Variants in MTMR1 observed in about 807,000 individuals in gnomAD.
The protein encoded by MTMR1 is phosphatidylinositol-3-phosphate phosphatase MTMR1.
In MTMR1, 17 loss-of-function variants were observed where a neutral mutation model predicts 51.6. The ratio of observed to expected loss-of-function variants is 0.33; its 90% CI spans 0.23 to 0.49. The LOEUF is 0.49. Among genes scored for constraint, MTMR1 ranks in the 20% least tolerant of loss-of-function variants. MTMR1 has a pLI of 0.99. For missense variants in MTMR1, 386 were observed against 526.9 expected, an observed-to-expected ratio of 0.73 and a Z score of 2.62; for synonymous variants, 201 against 205.6, an observed-to-expected ratio of 0.98 and a Z score of 0.19.
rs782723674 is a variant in MTMR1, at chrX:150,751,089, C to T, written c.1680+246C>T. The T allele has an allele frequency of 1.2e-5, 13 of 1,100,610 alleles. No homozygotes were observed. The Admixed American group carries it at 1.5e-4, about 13-fold the overall frequency. The allele number at this position is 1,100,610 out of a possible 1,213,427, so 90.7% of individuals were successfully genotyped here. ...CTCTCAGGAGTAGATGAGTGCTAGACCCTGGACCTCCTGACTCCGAGTTCA... is the reference window on the plus strand; with the variant it reads ...CTCTCAGGAGTAGATGAGTGCTAGATCCTGGACCTCCTGACTCCGAGTTCA... On this transcript the variant is annotated intron_variant, in intron 14 of 15. Coordinates refer to ENST00000445323, the MANE Select transcript of MTMR1 (RefSeq NM_001306144.3).
chrX:150,740,661 T>C (rs1409360194), intron 12 of MTMR1, among the ~76,000 whole-genome samples: 2 of 111,836 alleles, frequency 1.8e-5, no homozygotes, highest in African/African-American at 6.5e-5. Context: ...TTTGTGTTTT[T>C]ACAATGGAAT....
At chrX:150,752,637 T>G (rs1272458588) in intron 14 of MTMR1, among the ~76,000 whole-genome samples, 5 of 102,290 alleles carry the variant, frequency 4.9e-5, no homozygotes, top group Admixed American at 1.1e-4. Context: ...TTTTTTTTTT[T>G]TTTTTTTTTT....
chrX:150,697,567 C>T (rs994588126), intron 1 of MTMR1, among the ~76,000 whole-genome samples: 6 of 111,359 alleles, frequency 5.4e-5, no homozygotes, highest in African/African-American at 9.8e-5. Context: ...GAGAGGAACC[C>T]GGCCTCTGGG....
At chrX:150,730,643 G>T in intron 8 of MTMR1, 35 bp downstream of exon 8, 1 of 863,102 alleles carries the variant, frequency 1.2e-6, no homozygotes, top group Non-Finnish European at 1.6e-6. Context: ...GAAAATAATA[G>T]GTTGAGCATC....
rs367683804 is a variant in MTMR1 at position 150,737,335 on chromosome X, G to C, written c.1360G>C (p.Ala454Pro). 8.3e-7 allele frequency: 1 copy of C among 1,211,252 alleles called. No homozygotes were observed. The highest frequency in any genetic ancestry group is 1.1e-6 in the Non-Finnish European group (1 of 895,109). The stretch of plus-strand genomic sequence containing the variant: ...TTGCAGCGACGGTTGGGACCGAACA[G>C]CCCAGCTCACATCTCTGGCTATGCT... ...VHCSDGWDRT[A>P]QLTSLAMLML... Residue 454 changes from alanine (A) to proline (P), a missense_variant, in exon 12 of 16, where the codon GCC becomes CCC. Ala to Pro is a conservative substitution (Grantham distance 27, BLOSUM62 -1). Coordinates refer to ENST00000445323, the MANE Select transcript of MTMR1 (RefSeq NM_001306144.3).
chrX:150,755,888 A>T, intron 15 of MTMR1, 23 bp downstream of exon 15: 2 of 1,155,419 alleles, frequency 1.7e-6, no homozygotes, highest in Non-Finnish European at 2.3e-6. Flanking sequence ...TTTTCTTTTC[A>T]TGAATGAGAG....
At chrX:150,694,345 A>T (rs1350139121) in intron 1 of MTMR1, among the ~76,000 whole-genome samples, 1 of 112,134 alleles carries the variant, frequency 8.9e-6, no homozygotes, top group African/African-American at 3.2e-5. Flanking sequence ...CTGCAGAACT[A>T]AGAGAAATCA....
At chrX:150,722,003 C>T (rs1484611256) in intron 4 of MTMR1, among the ~76,000 whole-genome samples, 1 of 111,854 alleles carries the variant, frequency 8.9e-6, no homozygotes, top group Admixed American at 9.5e-5. Context: ...TTCTTTGACC[C>T]TTGAGTTATT....
rs1433078392 is a variant in MTMR1, at chrX:150,713,010, A to G, written c.276+645A>G. ...TTTAACAGACATTGAAAATTAACCT[A>G]TTTCTATTCAAGGAAAACAATGTGG... On this transcript the variant is annotated intron_variant, in intron 3 of 15. Transcript: ENST00000445323. 6 of 852,266 alleles carry G rather than the reference A, an allele frequency of 7.0e-6. No individual in the cohort carries two copies. In the African/African-American group the frequency reaches 1.3e-4, roughly 19 times the overall value. 70.2% of individuals were successfully genotyped at this position (852,266 alleles called of 1,213,427 possible). A position where few individuals can be genotyped will look rare whatever the true frequency, so the allele number is the denominator to read the frequency against.
intron 5 of MTMR1, 76 bp from the exon 6 acceptor site, chrX:150,727,608 G>A: frequency 1.2e-6 from 1 of 804,527 alleles, no homozygotes; most frequent in African/African-American, 2.0e-5. Flanking sequence ...AACATGTTTT[G>A]TAACCCAGCA....
intron 15 of MTMR1, among the ~76,000 whole-genome samples, chrX:150,760,292 CAGAG>C (rs1437647289): frequency 1.8e-4 from 17 of 93,774 alleles, no homozygotes; most frequent in African/African-American, 6.2e-4. Flanking sequence ...CCAGGTGAGG[CAGAG>C]AGAAGGAGGA....
intron 1 of MTMR1, among the ~76,000 whole-genome samples, chrX:150,697,101 G>A (rs1246980442): frequency 1.8e-5 from 2 of 112,149 alleles, no homozygotes; most frequent in African/African-American, 6.5e-5. Context: ...GGTGGGTGCT[G>A]ACAGAAAAAG....
chrX:150,698,676 GCGCGCACACACACACACACACA>G (rs1379741900), intron 1 of MTMR1, among the ~76,000 whole-genome samples: 5 of 53,086 alleles, frequency 9.4e-5, no homozygotes, highest in South Asian at 1.5e-3. Flanking sequence ...GTCTACACGC[GCGCGCACACACACACACACACA>G]CACACACACA....
In MTMR1 at chrX:150,736,663, C is replaced by T. The variant is rs2042278387; in HGVS notation, c.1149C>T (p.His383=). 8.3e-7 allele frequency: 1 copy of T among 1,211,569 alleles called. No homozygotes were observed. Among genetic ancestry groups the T allele is most frequent in the Non-Finnish European group, 1.1e-6 (1 of 895,237 alleles). The change falls in exon 11 of 16, where the codon CAC becomes CAT. Residue 383 remains histidine, a synonymous_variant. Coordinates refer to ENST00000445323, the MANE Select transcript of MTMR1 (RefSeq NM_001306144.3). The part of the protein sequence containing the change: ...PNAELVFLEI[H]NIHVMRESLR... ...CAGAACTTGTGTTCTTGGAGATCCA[C>T]AACATTCATGTCATGCGAGAGTCAC...
intron 1 of MTMR1, among the ~76,000 whole-genome samples, chrX:150,695,363 T>A (rs782615343): frequency 9.1e-6 from 1 of 110,268 alleles, no homozygotes; most frequent in Admixed American, 9.6e-5. Context: ...GACAATAGAG[T>A]GAAAGGGGAA....
In MTMR1 at chrX:150,746,807, G is replaced by A. The variant is rs562998428; in HGVS notation, c.1566+2354G>A. Among the ~76,000 whole-genome samples the A allele has an allele frequency of 1.9e-4, 21 of 112,474 alleles. No individual in the cohort carries two copies. The South Asian group carries it at 7.7e-3, about 41-fold the overall frequency. On this transcript the variant is annotated intron_variant, in intron 13 of 15. Coordinates refer to ENST00000445323, the MANE Select transcript of MTMR1 (RefSeq NM_001306144.3). Reference sequence around the variant, plus strand: ...CTAAGATTCTGTCTGTGAAATGTGTGTATAATTAATTTCTTTTAAAATTAC... The same window carrying A: ...CTAAGATTCTGTCTGTGAAATGTGTATATAATTAATTTCTTTTAAAATTAC...
chrX:150,751,367 A>G, intron 14 of MTMR1: 1 of 333,377 alleles, frequency 3.0e-6, no homozygotes, highest in Non-Finnish European at 4.0e-6. Flanking sequence ...CAAAAGTGAG[A>G]AGGCATTGGA....
At chrX:150,749,720 G>T (rs1217140706) in intron 13 of MTMR1, among the ~76,000 whole-genome samples, 1 of 112,355 alleles carries the variant, frequency 8.9e-6, no homozygotes, top group Non-Finnish European at 1.9e-5. Context: ...TAATTGATTT[G>T]TTTTGTAACA....
intron 10 of MTMR1, among the ~76,000 whole-genome samples, chrX:150,734,649 C>T (rs1463361009): frequency 1.8e-5 from 2 of 112,625 alleles, no homozygotes; most frequent in African/African-American, 6.5e-5. Flanking sequence ...AGACAGGACA[C>T]TAAATTGTAT....
Sources: allele counts gnomAD v4.1 joint callset (sites outside exome capture counted in the v4.1 genomes callset), GRCh38; gene constraint gnomAD v4.1.1; transcripts MANE v1.5; gene names NCBI Gene and HGNC (gene_info 2026-07-23, HGNC 2026-07-21).